The following AIDA variants were observed in gnomAD, a reference collection of about 807,000 sequenced individuals.
AIDA encodes axin interactor, dorsalization associated.
In AIDA, 18 loss-of-function variants were observed where a neutral mutation model predicts 42.7. The observed-to-expected ratio is 0.42, with a 90% CI of 0.29 to 0.63. The LOEUF is 0.63. Ranked by LOEUF, AIDA falls within the 20% of genes least tolerant of loss-of-function variation. The pLI, the probability that AIDA is intolerant of heterozygous loss-of-function variation, is 0.19. For missense variants in AIDA, 250 were observed against 354.1 expected (o/e 0.71, Z 2.36); for synonymous variants, 104 against 122.9 (o/e 0.85, Z 1.02).
At chr1:222,687,450 A>C in intron 5 of AIDA, 145 bp downstream of exon 5, 1 of 716,110 alleles carries the variant, frequency 1.4e-6, no homozygotes, top group Non-Finnish European at 2.1e-6. Flanking sequence ...ATAATACTGA[A>C]ATAAAATAAA....
intron 6 of AIDA, among the ~76,000 whole-genome samples, chr1:222,683,148 G>C (rs1238515244): frequency 6.6e-6 from 1 of 152,126 alleles, no homozygotes; most frequent in African/African-American, 2.4e-5. Flanking sequence ...CATTATCATT[G>C]AAATAATATC....
At chr1:222,701,139 T>G (rs763344026) in intron 2 of AIDA, among the ~76,000 whole-genome samples, 8 of 152,010 alleles carry the variant, frequency 5.3e-5, no homozygotes, top group African/African-American at 9.7e-5. Flanking sequence ...ATTTTTGTAT[T>G]TTCAGTAGAG....
chr1:222,668,923 A>T lies in AIDA; in HGVS notation c.*970T>A, dbSNP rs946551098. The T allele has an allele frequency of 2.6e-5, 4 of 151,620 alleles. No individual in the cohort carries two copies. The highest frequency in any genetic ancestry group is 9.7e-5 in the African/African-American group (4 of 41,250). 9.4% of individuals were successfully genotyped at this position (151,620 alleles called of 1,614,324 possible). ...TAAATAGGAAATAAATGGCGATCCT[A>T]TCTACCTATATAAAAAAAATAGAAT... On this transcript the variant is annotated 3_prime_UTR_variant, in exon 10 of 10. Coordinates refer to ENST00000340020, the MANE Select transcript of AIDA (RefSeq NM_022831.4).
chr1:222,708,444 T>G (rs1343401967), intron 1 of AIDA, among the ~76,000 whole-genome samples: 3 of 149,064 alleles, frequency 2.0e-5, no homozygotes, highest in Non-Finnish European at 4.5e-5. Context: ...CTCCCCTCAC[T>G]GCAACCTCCA....
At chr1:222,709,694 G>A (rs183095570) in intron 1 of AIDA, among the ~76,000 whole-genome samples, 211 of 152,228 alleles carry the variant, frequency 1.4e-3, no homozygotes, top group Non-Finnish European at 2.3e-3. Flanking sequence ...AAAAAAATAC[G>A]AGAGCCCTAA....
At position 222,687,771 on chromosome 1, in the gene AIDA, T is replaced by C. The variant is rs1280269439; in HGVS notation, c.290-113A>G. The C allele has an allele frequency of 3.6e-6, 3 of 829,810 alleles. No individual in the cohort carries two copies. The African/African-American group carries it at 5.3e-5, about 15-fold the overall frequency. 51.4% of individuals were successfully genotyped at this position (829,810 alleles called of 1,614,324 possible). ...ATTGTGCATATTAATATATATAAAT[T>C]CCCAGCCTTACCACCATTTGAGAGC... On this transcript the variant is annotated intron_variant, in intron 4 of 9. Coordinates refer to ENST00000340020, the MANE Select transcript of AIDA (RefSeq NM_022831.4).
At chr1:222,680,572 T>G (rs1261744118) in intron 6 of AIDA, among the ~76,000 whole-genome samples, 1 of 152,194 alleles carries the variant, frequency 6.6e-6, no homozygotes, top group Non-Finnish European at 1.5e-5. Flanking sequence ...AAAGTCCATT[T>G]AATGATGAGA....
At chr1:222,700,470 G>A (rs895252301) in intron 2 of AIDA, among the ~76,000 whole-genome samples, 1 of 152,126 alleles carries the variant, frequency 6.6e-6, no homozygotes, top group Non-Finnish European at 1.5e-5. Context: ...CAAGATCTGT[G>A]GGTCGGGCCG....
In AIDA at chr1:222,671,397, C is replaced by CA. The variant is rs1453122162; in HGVS notation, c.707-1148dup. 2.6e-5 allele frequency among the ~76,000 whole-genome samples: 4 copies of CA among 152,222 alleles called. 1 individual carries two copies. The highest frequency in any genetic ancestry group is 9.6e-5 in the African/African-American group (4 of 41,462). On this transcript the variant is annotated intron_variant, in intron 8 of 9. Coordinates refer to ENST00000340020, the MANE Select transcript of AIDA (RefSeq NM_022831.4). ...AGAAGGCATGGAAAGTGAAGGAAGTCAGTGTCTCACTCTTCACCAGCTACT... is the reference window on the plus strand; with the variant it reads ...AGAAGGCATGGAAAGTGAAGGAAGTCAAGTGTCTCACTCTTCACCAGCTACT...
intron 2 of AIDA, among the ~76,000 whole-genome samples, chr1:222,697,899 T>C (rs1655567247): frequency 6.6e-6 from 1 of 152,082 alleles, no homozygotes; most frequent in African/African-American, 2.4e-5. Flanking sequence ...GAGAGCATTA[T>C]AAAATATAAA....
chr1:222,687,380 G>A (rs556336958), intron 5 of AIDA, among the ~76,000 whole-genome samples: 2 of 152,160 alleles, frequency 1.3e-5, no homozygotes, highest in South Asian at 2.1e-4. Context: ...GCAGTGAGCC[G>A]AGATAGCGCC....
In AIDA at chr1:222,668,843, A is replaced by T. The variant is rs1355516847; in HGVS notation, c.*1050T>A. ...TTTATGCCCCATTAAGTCAAAAGTA[A>T]ATTATAGTAAGCTAATGACCTGCAT... On this transcript the variant is annotated 3_prime_UTR_variant, in exon 10 of 10. Coordinates refer to ENST00000340020, the MANE Select transcript of AIDA (RefSeq NM_022831.4). 6.7e-6 allele frequency: 1 copy of T among 149,218 alleles called. No homozygotes were observed. The highest frequency in any genetic ancestry group is 1.5e-5 in the Non-Finnish European group (1 of 67,292). 9.2% of individuals were successfully genotyped at this position (149,218 alleles called of 1,614,324 possible). A position where few individuals can be genotyped will look rare whatever the true frequency, so the allele number is the denominator to read the frequency against.
rs1664393700 is a variant in AIDA, at chr1:222,668,905, G to T, written c.*988C>A. 1 of 150,426 alleles carries T rather than the reference G, an allele frequency of 6.6e-6. No individual in the cohort carries two copies. The highest frequency in any genetic ancestry group is 2.0e-4 in the East Asian group (1 of 5,092). The allele number at this position is 150,426 out of a possible 1,614,324, so 9.3% of individuals were successfully genotyped here. On this transcript the variant is annotated 3_prime_UTR_variant, in exon 10 of 10. Transcript: ENST00000340020. ...GATGAATGTCAGTATATCTAAATAG[G>T]AAATAAATGGCGATCCTATCTACCT... is the stretch of plus-strand genomic sequence containing the variant.
intron 2 of AIDA, among the ~76,000 whole-genome samples, chr1:222,697,087 C>T (rs1304606184): frequency 6.6e-6 from 1 of 152,108 alleles, no homozygotes; most frequent in South Asian, 2.1e-4. Flanking sequence ...GGATTACAGG[C>T]ATCCACCACC....
At chr1:222,703,327 T>C (rs1281872534) in intron 1 of AIDA, 110 bp from the exon 2 acceptor site, 1 of 719,662 alleles carries the variant, frequency 1.4e-6, no homozygotes, top group African/African-American at 1.9e-5. Flanking sequence ...GTCCTGTTTT[T>C]AAAATACAAA....
chr1:222,704,125 T>C (rs1290996357), intron 1 of AIDA, among the ~76,000 whole-genome samples: 2 of 152,156 alleles, frequency 1.3e-5, no homozygotes, highest in Non-Finnish European at 2.9e-5. Flanking sequence ...ATGAGTACAA[T>C]TTTTTAAAAA....
At chr1:222,684,768 G>A (rs1664712755) in intron 6 of AIDA, among the ~76,000 whole-genome samples, 3 of 152,170 alleles carry the variant, frequency 2.0e-5, no homozygotes, top group Admixed American at 6.5e-5. Flanking sequence ...ATAGCAAATG[G>A]ATTTAATTTA....
rs771003209 is a variant in AIDA, at chr1:222,703,111, T to G, written c.180+37A>C. On this transcript the variant is annotated intron_variant, in intron 2 of 9. Transcript: ENST00000340020. ...ACTCAAAAGACAAAACACTTTTTGT[T>G]TGGAATCTGATATATCTAGAGATTA... 1.1e-5 allele frequency: 17 copies of G among 1,517,212 alleles called. 1 individual carries two copies. In the South Asian group the frequency reaches 2.1e-4, roughly 19 times the overall value. 94.0% of individuals were successfully genotyped at this position (1,517,212 alleles called of 1,614,324 possible). A position where few individuals can be genotyped will look rare whatever the true frequency, so the allele number is the denominator to read the frequency against.
At chr1:222,680,868 G>A (rs1036942188) in intron 6 of AIDA, among the ~76,000 whole-genome samples, 1 of 151,736 alleles carries the variant, frequency 6.6e-6, no homozygotes, top group Admixed American at 6.6e-5. Flanking sequence ...TCACACAGTG[G>A]GCAAGGATCT....
Sources: allele counts gnomAD v4.1 joint callset (sites outside exome capture counted in the v4.1 genomes callset), GRCh38; gene constraint gnomAD v4.1.1; transcripts MANE v1.5; gene names NCBI Gene and HGNC (gene_info 2026-07-23, HGNC 2026-07-21).